The following ENOX1 variants were observed in gnomAD, a reference collection of about 807,000 sequenced individuals.
The protein encoded by ENOX1 is candidate growth-related and time keeping constitutive hydroquinone (NADH) oxidase.
In ENOX1, 42 loss-of-function variants were observed where a neutral mutation model predicts 82.5. That is an observed-to-expected ratio of 0.51 (90% CI 0.40 to 0.66). ENOX1 has a LOEUF of 0.66. ENOX1 is among the 30% of genes least tolerant of loss of function. The pLI is 0.00. For missense variants in ENOX1, 608 were observed against 811.6 expected (o/e 0.75, Z 3.05); for synonymous variants, 271 against 282.2 (o/e 0.96, Z 0.40).
chr13:43,349,992 G>C (rs1337500306), intron 8 of ENOX1, among the ~76,000 whole-genome samples: 1 of 152,164 alleles, frequency 6.6e-6, no homozygotes, highest in Non-Finnish European at 1.5e-5. Context: ...ATGGAATGCT[G>C]GGCATGAATT....
intron 3 of ENOX1, among the ~76,000 whole-genome samples, chr13:43,456,274 G>A (rs2057224796): frequency 6.6e-6 from 1 of 151,768 alleles, no homozygotes; most frequent in Non-Finnish European, 1.5e-5. Context: ...TATATTTTAT[G>A]TCAGTGGATA....
At chr13:43,248,385 A>G (rs1021730909) in intron 14 of ENOX1, among the ~76,000 whole-genome samples, 2 of 151,876 alleles carry the variant, frequency 1.3e-5, no homozygotes, top group Non-Finnish European at 2.9e-5. Flanking sequence ...GAAAAAAACT[A>G]TGCAATCGCT....
chr13:43,292,862 C>T (rs980820139), intron 12 of ENOX1, among the ~76,000 whole-genome samples: 1 of 151,970 alleles, frequency 6.6e-6, no homozygotes, highest in African/African-American at 2.4e-5. Context: ...ATTTCTACCC[C>T]AGTCACCATC....
intron 1 of ENOX1, among the ~76,000 whole-genome samples, chr13:43,759,229 T>C (rs887329828): frequency 1.3e-5 from 2 of 151,180 alleles, no homozygotes; most frequent in African/African-American, 4.9e-5. Flanking sequence ...CCTAAATAGC[T>C]GGGATTACAG....
intron 3 of ENOX1, among the ~76,000 whole-genome samples, chr13:43,416,649 G>A (rs984251760): frequency 2.1e-5 from 3 of 145,800 alleles, no homozygotes; most frequent in Non-Finnish European, 3.0e-5. Flanking sequence ...ATCCCAGACC[G>A]GGTGGTGGCG....
At chr13:43,528,785 A>C (rs1271636603) in intron 2 of ENOX1, among the ~76,000 whole-genome samples, 2 of 152,026 alleles carry the variant, frequency 1.3e-5, no homozygotes, top group African/African-American at 4.8e-5. Context: ...GGCGGCCAAA[A>C]AGAAGTCCAC....
At chr13:43,544,754 C>T (rs138086830) in intron 2 of ENOX1, 2 of 152,116 alleles carry the variant, frequency 1.3e-5, no homozygotes. Flanking sequence ...ATCCAGTAAG[C>T]GTCACCTTAC....
chr13:43,412,606 T>C (rs769105127), intron 4 of ENOX1, among the ~76,000 whole-genome samples: 14 of 152,210 alleles, frequency 9.2e-5, no homozygotes, highest in Admixed American at 5.2e-4. Context: ...CTGAAGGATT[T>C]CTAAATAAAT....
chr13:43,477,129 T>C (rs902895037), intron 3 of ENOX1, among the ~76,000 whole-genome samples: 4 of 151,256 alleles, frequency 2.6e-5, no homozygotes, highest in African/African-American at 9.7e-5. Context: ...TTAAAAAATA[T>C]TGCACATATA....
intron 1 of ENOX1, among the ~76,000 whole-genome samples, chr13:43,716,208 C>T (rs61356283): frequency 0.034 from 5,228 of 152,138 alleles, 242 homozygotes; most frequent in East Asian, 0.24. Context: ...TTTTGGTCTT[C>T]GATGATGGTG....
chr13:43,686,102 A>G (rs1380375184), intron 1 of ENOX1, among the ~76,000 whole-genome samples: 3 of 152,310 alleles, frequency 2.0e-5, no homozygotes, highest in Non-Finnish European at 1.5e-5. Flanking sequence ...CAAATCAGTA[A>G]AGCTTAGATA....
At chr13:43,739,641 G>C (rs1184649254) in intron 1 of ENOX1, among the ~76,000 whole-genome samples, 25 of 151,616 alleles carry the variant, frequency 1.6e-4, no homozygotes, top group Admixed American at 1.6e-3. Context: ...AAGACCAAGA[G>C]AGAAAAATAA....
chr13:43,523,239 C>T lies in ENOX1; in HGVS notation c.-218-39087G>A, dbSNP rs17064689. On this transcript the variant is annotated intron_variant, in intron 2 of 16. Transcript: ENST00000690772. ...AAAACCCAAGTTCCTTGAACCTAACCCAGATGAGGTTTCCAAGAAATGGGG... is the reference window on the plus strand; with the variant it reads ...AAAACCCAAGTTCCTTGAACCTAACTCAGATGAGGTTTCCAAGAAATGGGG... Among the ~76,000 whole-genome samples the T allele has an allele frequency of 2.3e-3, 345 of 152,186 alleles. 1 individual carries two copies. The highest frequency in any genetic ancestry group is 8.0e-3 in the African/African-American group (332 of 41,536).
intron 3 of ENOX1, among the ~76,000 whole-genome samples, chr13:43,446,560 C>T (rs1010794775): frequency 5.9e-5 from 9 of 152,136 alleles, no homozygotes; most frequent in African/African-American, 2.2e-4. Flanking sequence ...TGTTAACCTG[C>T]GTTGATCTCT....
At chr13:43,221,615 G>T (rs2041793880) in intron 16 of ENOX1, among the ~76,000 whole-genome samples, 1 of 152,150 alleles carries the variant, frequency 6.6e-6, no homozygotes, top group Non-Finnish European at 1.5e-5. Flanking sequence ...TTTAGAAAAG[G>T]CCAAGAAGAG....
At chr13:43,224,963 CT>C (rs2041957752) in intron 15 of ENOX1, among the ~76,000 whole-genome samples, 1 of 152,122 alleles carries the variant, frequency 6.6e-6, no homozygotes, top group Admixed American at 6.5e-5. Flanking sequence ...CTGTAGACTG[CT>C]TTTTGTTAAG....
chr13:43,342,652 G>C (rs9562479), intron 9 of ENOX1, among the ~76,000 whole-genome samples: 30,982 of 152,068 alleles, frequency 0.2, 4,264 homozygotes, highest in East Asian at 0.58. Flanking sequence ...CATCCAAAGT[G>C]TAGCCTCCAG....
chr13:43,699,177 G>A, intron 1 of ENOX1, among the ~76,000 whole-genome samples: 1 of 152,172 alleles, frequency 6.6e-6, no homozygotes, highest in East Asian at 1.9e-4. Flanking sequence ...AAAGTGCAGT[G>A]GCCCCTCATA....
chr13:43,635,599 T>A (rs1009317580), intron 2 of ENOX1, among the ~76,000 whole-genome samples: 1 of 152,162 alleles, frequency 6.6e-6, no homozygotes, highest in African/African-American at 2.4e-5. Flanking sequence ...TCCTGTAATT[T>A]CCACATGTGA....
Sources: gnomAD v4.1 joint callset for allele counts (sites outside exome capture counted in the v4.1 genomes callset) on GRCh38, gnomAD v4.1.1 for gene constraint, MANE v1.5 for transcripts, NCBI Gene and HGNC (gene_info 2026-07-23, HGNC 2026-07-21) for gene names.